IFNAR2: variants seen among roughly 807,000 people sequenced by gnomAD.
IFNAR2 encodes the protein interferon alpha/beta receptor 2.
A neutral mutation model predicts 49.4 loss-of-function variants in IFNAR2; 30 were observed. That is an observed-to-expected ratio of 0.61 (90% CI 0.45 to 0.82). The LOEUF (loss-of-function observed/expected upper bound fraction) is 0.82, where lower values mean the gene tolerates loss of function less well. Ranked by LOEUF, IFNAR2 falls within the 40% of genes least tolerant of loss-of-function variation. The pLI, the probability that IFNAR2 is intolerant of heterozygous loss-of-function variation, is 0.00. For synonymous variants in IFNAR2, 224 were observed against 234.5 expected, an observed-to-expected ratio of 0.96 and a Z score of 0.41; for missense variants, 600 against 622.7, an observed-to-expected ratio of 0.96 and a Z score of 0.39.
intron 8 of IFNAR2, chr21:33,262,499 C>G: frequency 1.5e-6 from 1 of 672,552 alleles, no homozygotes; most frequent in Non-Finnish European, 2.7e-6. Flanking sequence ...GTTATTATTG[C>G]TGTCATCATC....
chr21:33,263,375 G>A lies in IFNAR2; in HGVS notation c.1423G>A (p.Glu475Lys). ...ATCAAACCATTTGCTGGCCAGCGGGGAAGGGACACAGCCAACCTTTCCCAG... is the reference window on the plus strand; with the variant it reads ...ATCAAACCATTTGCTGGCCAGCGGGAAAGGGACACAGCCAACCTTTCCCAG... ...VQSNHLLASG[E>K]GTQPTFPSPS... Residue 475 changes from glutamate to lysine, a missense_variant, in exon 9 of 9, where the codon GAA becomes AAA. Glu to Lys is a moderately conservative substitution (Grantham distance 56). Transcript: ENST00000342136. The A allele has an allele frequency of 2.5e-6, 4 of 1,614,158 alleles. No homozygotes were observed. Among genetic ancestry groups the A allele is most frequent in the Non-Finnish European group, 3.4e-6 (4 of 1,180,030 alleles).
In IFNAR2 at chr21:33,263,145, G is replaced by A. The variant is rs2123543002; in HGVS notation, c.1193G>A (p.Arg398Lys). 9.9e-6 allele frequency: 16 copies of A among 1,614,218 alleles called. No individual in the cohort carries two copies. The highest frequency in any genetic ancestry group is 1.3e-5 in the Non-Finnish European group (15 of 1,180,042). The change falls in exon 9 of 9, where the codon AGA becomes AAA. Residue 398 changes from arginine (R) to lysine (K), a missense_variant. Physicochemically the swap from Arg to Lys is conservative, Grantham distance 26. Coordinates refer to ENST00000342136, the MANE Select transcript of IFNAR2 (RefSeq NM_001289125.3). Reference protein sequence around the residue: ...LELLSGPCERRKSPLQDPFPE... With the variant: ...LELLSGPCERKKSPLQDPFPE... ...CTCTTGAGTGGGCCCTGTGAGAGGA[G>A]AAAGAGTCCACTCCAGGACCCTTTT... is the stretch of plus-strand genomic sequence containing the variant.
intron 4 of IFNAR2, among the ~76,000 whole-genome samples, chr21:33,246,182 T>A (rs1987386368): frequency 6.6e-6 from 1 of 152,006 alleles, no homozygotes; most frequent in Admixed American, 6.5e-5. Context: ...GCCATTCTCC[T>A]GCCTCAGCCT....
intron 5 of IFNAR2, 29 bp downstream of exon 5, chr21:33,246,919 G>T (rs368603698): frequency 6.4e-7 from 1 of 1,570,746 alleles, no homozygotes; most frequent in African/African-American, 1.4e-5. Flanking sequence ...TCTCCACTTC[G>T]TCCCCATCAT....
At chr21:33,250,155 C>T (rs1229743090) in intron 6 of IFNAR2, among the ~76,000 whole-genome samples, 2 of 152,020 alleles carry the variant, frequency 1.3e-5, no homozygotes, top group East Asian at 1.9e-4. Context: ...CTTTTAATAT[C>T]GACATGGATT....
intron 6 of IFNAR2, among the ~76,000 whole-genome samples, chr21:33,250,810 A>C (rs1289124673): frequency 6.6e-6 from 1 of 152,208 alleles, no homozygotes; most frequent in South Asian, 2.1e-4. Flanking sequence ...AAGTGTTGGG[A>C]TTACAAGCAT....
chr21:33,263,581 G>A lies in IFNAR2; in HGVS notation c.*81G>A, dbSNP rs980236109. The stretch of plus-strand genomic sequence containing the variant: ...CTGCATCCTAACTTGCTGCCTTATC[G>A]TCTGCAAGTGTTCTCCAAGGGAAGG... On this transcript the variant is annotated 3_prime_UTR_variant, in exon 9 of 9. Transcript: ENST00000342136. The A allele has an allele frequency of 6.0e-5, 80 of 1,322,932 alleles. 1 individual carries two copies. The highest frequency in any genetic ancestry group is 4.5e-4 in the East Asian group (19 of 42,078). The allele number at this position is 1,322,932 out of a possible 1,614,324, so 81.9% of individuals were successfully genotyped here.
At position 33,252,847 on chromosome 21, in the gene IFNAR2, A is replaced by T. The variant is rs1296055265; in HGVS notation, c.709+17A>T. 6.3e-7 allele frequency: 1 copy of T among 1,599,480 alleles called. No individual in the cohort carries two copies. The highest frequency in any genetic ancestry group is 1.3e-5 in the African/African-American group (1 of 74,748). On this transcript the variant is annotated intron_variant, in intron 7 of 8. Transcript: ENST00000342136. Reference sequence around the variant, plus strand: ...AGGAATCAGGTATGTTCATTTTTTTAAATTCATGTTTTGAGTATTCATGCT... The same window carrying T: ...AGGAATCAGGTATGTTCATTTTTTTTAATTCATGTTTTGAGTATTCATGCT...
In IFNAR2 at chr21:33,246,392, A is replaced by G. The variant is rs17860201; in HGVS notation, c.222-326A>G. Among the ~76,000 whole-genome samples the G allele has an allele frequency of 5.8e-3, 884 of 152,306 alleles. 14 individuals carry two copies. The highest frequency in any genetic ancestry group is 0.02 in the African/African-American group (843 of 41,570). On this transcript the variant is annotated intron_variant, in intron 4 of 8. Transcript: ENST00000342136. ...GCTCCTCCGGCAAGTTTTACTGAGC[A>G]CCTACTACATGCCAGGGGGTCCAAC...
chr21:33,265,403 T>C lies in IFNAR2; in HGVS notation c.*1903T>C, dbSNP rs1026747622. 6.5e-6 allele frequency: 1 copy of C among 153,160 alleles called. No homozygotes were observed. Among genetic ancestry groups the C allele is most frequent in the Non-Finnish European group, 1.5e-5 (1 of 68,550 alleles). 9.5% of individuals were successfully genotyped at this position (153,160 alleles called of 1,614,324 possible). On this transcript the variant is annotated 3_prime_UTR_variant, in exon 9 of 9. Coordinates refer to ENST00000342136, the MANE Select transcript of IFNAR2 (RefSeq NM_001289125.3). ...AAGGACTTTAAATAGATTATTTATATGATTGCTCATAAGGATGAGGCTGTG... is the reference window on the plus strand; with the variant it reads ...AAGGACTTTAAATAGATTATTTATACGATTGCTCATAAGGATGAGGCTGTG...
intron 7 of IFNAR2, among the ~76,000 whole-genome samples, chr21:33,259,389 T>C (rs1197748162): frequency 2.0e-5 from 3 of 152,212 alleles, no homozygotes; most frequent in Non-Finnish European, 2.9e-5. Flanking sequence ...AAGTGAGATT[T>C]CTATTTTTTA....
At chr21:33,234,579 AG>A (rs1986308512) in intron 1 of IFNAR2, among the ~76,000 whole-genome samples, 1 of 152,144 alleles carries the variant, frequency 6.6e-6, no homozygotes, top group Non-Finnish European at 1.5e-5. Context: ...GAGTTCCTGG[AG>A]GGTTGTTTGT....
intron 1 of IFNAR2, 113 bp from the exon 2 acceptor site, chr21:33,241,727 C>A: frequency 1.6e-6 from 1 of 641,440 alleles, no homozygotes; most frequent in Non-Finnish European, 2.4e-6. Context: ...GGGGATTGGG[C>A]CCAGAAGCTG....
intron 7 of IFNAR2, among the ~76,000 whole-genome samples, chr21:33,256,869 A>G (rs1300177956): frequency 6.6e-6 from 1 of 152,192 alleles, no homozygotes; most frequent in African/African-American, 2.4e-5. Flanking sequence ...TACCATGGAA[A>G]AAAATTATGC....
Position 33,263,477 on chromosome 21 carries a change from G to C in IFNAR2, c.1525G>C (p.Gly509Arg). 6.2e-7 allele frequency: 1 copy of C among 1,611,950 alleles called. No homozygotes were observed. The highest frequency in any genetic ancestry group is 8.5e-7 in the Non-Finnish European group (1 of 1,179,034). The change falls in exon 9 of 9, where the codon GGG (glycine) becomes CGG (arginine). Residue 509 changes from glycine to arginine, a missense_variant. Transcript: ENST00000342136. ...CACTTCTGAGTCAGATGTTGACCTTGGGGATGGTTATATAATGAGATGACT... is the reference window on the plus strand; with the variant it reads ...CACTTCTGAGTCAGATGTTGACCTTCGGGATGGTTATATAATGAGATGACT... The part of the protein sequence containing the change: ...SDTSESDVDL[G>R]DGYIMR
intron 1 of IFNAR2, among the ~76,000 whole-genome samples, chr21:33,235,595 A>G (rs974935310): frequency 6.6e-6 from 1 of 152,038 alleles, no homozygotes; most frequent in Non-Finnish European, 1.5e-5. Context: ...CTCTCTCAAC[A>G]CGTAATGTTT....
At position 33,263,545 on chromosome 21, in the gene IFNAR2, G is replaced by A; in HGVS notation, c.*45G>A. 2 of 1,530,986 alleles carry A rather than the reference G, an allele frequency of 1.3e-6. No homozygotes were observed. Among genetic ancestry groups the A allele is most frequent in the South Asian group, 2.5e-5 (2 of 79,678 alleles). 94.8% of individuals were successfully genotyped at this position (1,530,986 alleles called of 1,614,324 possible). ...ACTTGGACAGACAAGCACCTACAGG[G>A]TTCTTTGTCTCTGCATCCTAACTTG... On this transcript the variant is annotated 3_prime_UTR_variant, in exon 9 of 9. Coordinates refer to ENST00000342136, the MANE Select transcript of IFNAR2 (RefSeq NM_001289125.3).
At chr21:33,260,226 G>A (rs970417163) in intron 7 of IFNAR2, among the ~76,000 whole-genome samples, 2 of 152,154 alleles carry the variant, frequency 1.3e-5, no homozygotes, top group African/African-American at 4.8e-5. Flanking sequence ...TGCCCGCAGC[G>A]CATGCTAACC....
intron 6 of IFNAR2, 58 bp downstream of exon 6, chr21:33,248,912 G>GACT (rs1987643215): frequency 8.1e-7 from 1 of 1,231,650 alleles, no homozygotes; most frequent in Non-Finnish European, 1.1e-6. Context: ...CAATGCACTT[G>GACT]ACTGTCTCTT....
Sources: gnomAD v4.1 joint callset for allele counts (sites outside exome capture counted in the v4.1 genomes callset) on GRCh38, gnomAD v4.1.1 for gene constraint, MANE v1.5 for transcripts, NCBI Gene and HGNC (gene_info 2026-07-23, HGNC 2026-07-21) for gene names.